NEXMIF: variants seen among roughly 807,000 people sequenced by gnomAD.
The protein encoded by NEXMIF is neurite extension and migration factor.
A neutral mutation model predicts 62.1 loss-of-function variants in NEXMIF; 8 were observed. That is an observed-to-expected ratio of 0.13 (90% confidence interval 0.08 to 0.23). The LOEUF (loss-of-function observed/expected upper bound fraction) is 0.23, where lower values mean the gene tolerates loss of function less well. Among genes scored for constraint, NEXMIF ranks in the 10% least tolerant of loss-of-function variants. The pLI is 1.00. For missense variants in NEXMIF, 976 were observed against 1,113.3 expected, an observed-to-expected ratio of 0.88 and a Z score of 1.75; for synonymous variants, 404 against 416.6, an observed-to-expected ratio of 0.97 and a Z score of 0.37.
At chrX:74,792,045 T>C (rs1197662742) in intron 1 of NEXMIF, among the ~76,000 whole-genome samples, 9 of 109,069 alleles carry the variant, frequency 8.3e-5, no homozygotes, top group Non-Finnish European at 1.5e-4. Context: ...CTTGCTTTTC[T>C]AGTTCTTTTA....
At chrX:74,924,194 G>C (rs995151043) in intron 1 of NEXMIF, among the ~76,000 whole-genome samples, 5 of 111,456 alleles carry the variant, frequency 4.5e-5, no homozygotes, top group African/African-American at 1.6e-4. Flanking sequence ...TACAAGACGC[G>C]AGCCGACGTG....
chrX:74,823,039 C>T (rs1474978745), intron 1 of NEXMIF, among the ~76,000 whole-genome samples: 2 of 112,119 alleles, frequency 1.8e-5, no homozygotes, highest in African/African-American at 3.2e-5. Flanking sequence ...ACGAAGTACA[C>T]ACTATAACAT....
At chrX:74,747,180 C>A (rs778313619) in intron 1 of NEXMIF, among the ~76,000 whole-genome samples, 1 of 112,095 alleles carries the variant, frequency 8.9e-6, no homozygotes, top group East Asian at 2.8e-4. Flanking sequence ...TGCCCCTCCA[C>A]TAAGTCCATC....
chrX:74,789,522 C>T (rs1463525400), intron 1 of NEXMIF, among the ~76,000 whole-genome samples: 5 of 110,727 alleles, frequency 4.5e-5, no homozygotes, highest in African/African-American at 9.9e-5. Context: ...ATGGTATTTC[C>T]AGTTCTAGAT....
chrX:74,875,223 A>G (rs2080625353), intron 1 of NEXMIF, among the ~76,000 whole-genome samples: 1 of 110,451 alleles, frequency 9.1e-6, no homozygotes, highest in East Asian at 2.9e-4. Context: ...AATTTTGTCA[A>G]AGGCCTTTTC....
At position 74,741,152 on chromosome X, in the gene NEXMIF, C is replaced by G; in HGVS notation, c.3405G>C (p.Gln1135His). ...CATCATTGAACATATGGAACTGAAA[C>G]TGGTGATTATTTAAAGTAAATCCAT... is the stretch of plus-strand genomic sequence containing the variant. ...MEDGFTLNNH[Q>H]FQFHMFNDED... Residue 1135 changes from glutamine to histidine, a missense_variant, in exon 3 of 4, where the codon CAG becomes CAC. Physicochemically the swap from Gln to His is conservative, Grantham distance 24 (BLOSUM62 0). Transcript: ENST00000055682. 1 of 1,210,621 alleles carries G rather than the reference C, an allele frequency of 8.3e-7. No homozygotes were observed. Among genetic ancestry groups the G allele is most frequent in the South Asian group, 1.8e-5 (1 of 56,938 alleles).
intron 1 of NEXMIF, among the ~76,000 whole-genome samples, chrX:74,835,246 A>T (rs990000145): frequency 2.7e-5 from 3 of 111,982 alleles, no homozygotes; most frequent in African/African-American, 9.8e-5. Context: ...TCCTCAAAAC[A>T]GCTATTCTGA....
chrX:74,764,274 T>G (rs1253688498), intron 1 of NEXMIF, among the ~76,000 whole-genome samples: 1 of 111,991 alleles, frequency 8.9e-6, no homozygotes, highest in Non-Finnish European at 1.9e-5. Context: ...TTACGTTTAT[T>G]GATTTGGATA....
At position 74,740,879 on chromosome X, in the gene NEXMIF, C is replaced by T. The variant is rs754483203; in HGVS notation, c.3678G>A (p.Gly1226=). The T allele has an allele frequency of 4.1e-6, 5 of 1,211,986 alleles. No individual in the cohort carries two copies. The Middle Eastern group carries it at 6.9e-4, about 167-fold the overall frequency. The part of the protein sequence containing the change: ...SRQVPKSTKK[G]KYMAAINGEK... ...CTCCATTGATGGCAGCCATGTATTT[C>T]CCTTTCTTTGTGGACTTAGGGACCT... The change falls in exon 3 of 4, where the codon GGG becomes GGA. Residue 1226 remains glycine (G), a synonymous_variant. Transcript: ENST00000055682.
Position 74,740,519 on chromosome X carries a change from C to T in NEXMIF, c.4038G>A (p.Glu1346=). Residue 1346 remains glutamate, a synonymous_variant, in exon 3 of 4, where the codon GAG becomes GAA. Coordinates refer to ENST00000055682, the MANE Select transcript of NEXMIF (RefSeq NM_001008537.3). The part of the protein sequence containing the change: ...ASIEPLWEPM[E]HHGDPNIFYS... ...AGAATATGTTGGGATCCCCATGGTG[C>T]TCCATGGGTTCCCAAAGGGGCTCTA... 1.7e-6 allele frequency: 2 copies of T among 1,211,516 alleles called. No homozygotes were observed. The highest frequency in any genetic ancestry group is 3.5e-5 in the South Asian group (2 of 56,978).
intron 1 of NEXMIF, among the ~76,000 whole-genome samples, chrX:74,825,169 C>T (rs761221503): frequency 1.8e-5 from 2 of 111,331 alleles, no homozygotes; most frequent in Non-Finnish European, 3.8e-5. Flanking sequence ...TTTTTCATAT[C>T]TTTTCTGTTG....
At chrX:74,751,045 T>C (rs958622749) in intron 1 of NEXMIF, among the ~76,000 whole-genome samples, 5 of 111,001 alleles carry the variant, frequency 4.5e-5, no homozygotes, top group Admixed American at 3.8e-4. Flanking sequence ...CTGGGCAACA[T>C]GGGGAAACCC....
In NEXMIF at chrX:74,925,026, T is replaced by TGCC. The variant is rs1225166711; in HGVS notation, c.-194_-192dup. ...TAGCCGCCACCGCCGCTGCTACTGC[T>TGCC]GCCGCCGCCGCCGCCGCCTCTGCCT... On this transcript the variant is annotated 5_prime_UTR_variant, in exon 1 of 4. Transcript: ENST00000055682. 66 of 120,125 alleles carry TGCC rather than the reference T, an allele frequency of 5.5e-4. No individual in the cohort carries two copies. The highest frequency in any genetic ancestry group is 4.5e-3 in the Admixed American group (49 of 10,941). 9.9% of individuals were successfully genotyped at this position (120,125 alleles called of 1,213,427 possible). A position where few individuals can be genotyped will look rare whatever the true frequency, so the allele number is the denominator to read the frequency against.
chrX:74,743,816 T>C lies in NEXMIF; in HGVS notation c.741A>G (p.Glu247=). Residue 247 remains glutamate, a synonymous_variant, in exon 3 of 4, where the codon GAA becomes GAG. Transcript: ENST00000055682. ...GATTGGAATTTGCAAGCAAAGCTTC[T>C]TCTGTATTGCACTTGTCTAACAGTA... ...EALLLDKCNT[E]EALLANSNQD... 8.3e-7 allele frequency: 1 copy of C among 1,211,677 alleles called. No homozygotes were observed. The highest frequency in any genetic ancestry group is 1.1e-6 in the Non-Finnish European group (1 of 895,371).
At position 74,743,361 on chromosome X, in the gene NEXMIF, T is replaced by C. The variant is rs776363168; in HGVS notation, c.1196A>G (p.Asp399Gly). Residue 399 changes from aspartate (D) to glycine (G), a missense_variant, in exon 3 of 4, where the codon GAT becomes GGT. Transcript: ENST00000055682. The stretch of plus-strand genomic sequence containing the variant: ...AGGCTTTTCTCCATTATCCTTTCCA[T>C]CTTTCTTCTCTACACCTTTGTCTTC... ...GQEDKGVEKKDGKDNGEKPAL... is the reference protein window; with the variant it reads ...GQEDKGVEKKGGKDNGEKPAL... The C allele has an allele frequency of 2.0e-5, 24 of 1,209,603 alleles. No homozygotes were observed. The Admixed American group carries it at 5.0e-4, about 25-fold the overall frequency.
chrX:74,860,730 C>T (rs765250155), intron 1 of NEXMIF, among the ~76,000 whole-genome samples: 8 of 111,050 alleles, frequency 7.2e-5, no homozygotes, highest in African/African-American at 9.8e-5. Flanking sequence ...CATATAAAAA[C>T]CAATGAGATA....
At chrX:74,919,662 A>G (rs747457097) in intron 1 of NEXMIF, among the ~76,000 whole-genome samples, 1 of 110,563 alleles carries the variant, frequency 9.0e-6, no homozygotes, top group African/African-American at 3.3e-5. Flanking sequence ...TTTAGGGTAC[A>G]TGTGCACAAT....
In NEXMIF at chrX:74,785,153, G is replaced by A. The variant is rs180912100; in HGVS notation, c.-47-39456C>T. On this transcript the variant is annotated intron_variant, in intron 1 of 3. Transcript: ENST00000055682. The stretch of plus-strand genomic sequence containing the variant: ...TGATATAATAAACTGTAGCCTGATT[G>A]TAACAATTTATGAGTCCTGTGAGTC... Among the ~76,000 whole-genome samples, 96 of 111,369 alleles carry A rather than the reference G, an allele frequency of 8.6e-4. 1 individual carries two copies. The highest frequency in any genetic ancestry group is 2.6e-3 in the African/African-American group (81 of 30,680).
intron 1 of NEXMIF, among the ~76,000 whole-genome samples, chrX:74,824,881 G>A (rs1406490059): frequency 9.1e-6 from 1 of 110,328 alleles, no homozygotes; most frequent in Non-Finnish European, 1.9e-5. Flanking sequence ...ATCTCCTGAC[G>A]TCGTGATCCG....
Sources: gnomAD v4.1 joint callset for allele counts (sites outside exome capture counted in the v4.1 genomes callset) on GRCh38, gnomAD v4.1.1 for gene constraint, MANE v1.5 for transcripts, NCBI Gene and HGNC (gene_info 2026-07-23, HGNC 2026-07-21) for gene names.